The following CSMD3 variants were observed in gnomAD, a reference collection of about 807,000 sequenced individuals.
CSMD3 encodes CUB and sushi domain-containing protein 3.
In CSMD3, 177 loss-of-function variants were observed where a neutral mutation model predicts 435.2. That is an observed-to-expected ratio of 0.41 (90% CI 0.36 to 0.46). The LOEUF is 0.46. Ranked by LOEUF, CSMD3 falls within the 20% of genes least tolerant of loss-of-function variation. The probability of loss-of-function intolerance (pLI) is 0.34; values close to 1 mark genes in which losing one functional copy is unlikely to be tolerated. For synonymous variants in CSMD3, 1,656 were observed against 1,520.5 expected (o/e 1.09, Z -2.07); for missense variants, 4,265 against 4,504.6 (o/e 0.95, Z 1.52).
intron 14 of CSMD3, among the ~76,000 whole-genome samples, chr8:112,688,488 A>C (rs2076061291): frequency 6.6e-6 from 1 of 152,144 alleles, no homozygotes; most frequent in Admixed American, 6.6e-5. Context: ...CTATGTTAGA[A>C]TTTTGACTAA....
At chr8:112,667,253 C>G (rs1586927040) in intron 16 of CSMD3, among the ~76,000 whole-genome samples, 1 of 152,082 alleles carries the variant, frequency 6.6e-6, no homozygotes, top group South Asian at 2.1e-4. Context: ...CAAAACAAAG[C>G]CTTAGTACTG....
chr8:112,665,958 G>A (rs148279779), intron 17 of CSMD3, among the ~76,000 whole-genome samples: 1 of 152,156 alleles, frequency 6.6e-6, no homozygotes, highest in African/African-American at 2.4e-5. Flanking sequence ...ACCTAGCAGA[G>A]CAGAATTCAC....
intron 5 of CSMD3, among the ~76,000 whole-genome samples, chr8:113,082,953 A>G (rs1452200849): frequency 1.3e-5 from 2 of 152,160 alleles, no homozygotes; most frequent in African/African-American, 4.8e-5. Flanking sequence ...ATGAGACACT[A>G]TTAAGCAAAC....
At chr8:113,425,787 G>A (rs1173876511) in intron 1 of CSMD3, among the ~76,000 whole-genome samples, 1 of 151,494 alleles carries the variant, frequency 6.6e-6, no homozygotes, top group Non-Finnish European at 1.5e-5. Flanking sequence ...AGGTAATTAT[G>A]AGCCTGTCAG....
At chr8:113,436,612 C>A (rs2130147637) in intron 1 of CSMD3, 65 bp downstream of exon 1, 1 of 1,426,182 alleles carries the variant, frequency 7.0e-7, no homozygotes. Flanking sequence ...AGCTGCCAGC[C>A]TCTCTCCATC....
chr8:113,166,848 A>G (rs2092159751), intron 4 of CSMD3, among the ~76,000 whole-genome samples: 1 of 152,236 alleles, frequency 6.6e-6, no homozygotes, highest in Admixed American at 6.5e-5. Flanking sequence ...AATGACTCTT[A>G]GTATGTTTGT....
chr8:113,270,291 ATTAAAAAGT>A (rs1242759807), intron 3 of CSMD3, among the ~76,000 whole-genome samples: 6 of 72,754 alleles, frequency 8.2e-5, no homozygotes, highest in African/African-American at 5.0e-4. Context: ...AATGGCGATC[ATTAAAAAGT>A]CGATCATTAA....
chr8:112,441,243 G>T (rs2130502809), intron 32 of CSMD3, among the ~76,000 whole-genome samples: 1 of 152,170 alleles, frequency 6.6e-6, no homozygotes, highest in Admixed American at 6.5e-5. Flanking sequence ...AGTCACCTTT[G>T]CTCCCGTTCC....
intron 1 of CSMD3, among the ~76,000 whole-genome samples, chr8:113,372,492 T>C (rs1037326899): frequency 7.9e-5 from 12 of 152,174 alleles, no homozygotes; most frequent in African/African-American, 2.7e-4. Context: ...GAGTTTTTTA[T>C]GTCCTGATTT....
At chr8:112,966,979 T>G (rs1222897639) in intron 7 of CSMD3, among the ~76,000 whole-genome samples, 1 of 151,950 alleles carries the variant, frequency 6.6e-6, no homozygotes, top group Non-Finnish European at 1.5e-5. Flanking sequence ...TGATAAATGT[T>G]GTTCTCTCTC....
At chr8:112,889,557 T>C (rs1239643359) in intron 10 of CSMD3, among the ~76,000 whole-genome samples, 1 of 151,664 alleles carries the variant, frequency 6.6e-6, no homozygotes, top group East Asian at 2.0e-4. Context: ...GTGTGTCTTT[T>C]GTCTTCTTGC....
chr8:113,034,903 G>A (rs1249560840), intron 5 of CSMD3, among the ~76,000 whole-genome samples: 1 of 151,984 alleles, frequency 6.6e-6, no homozygotes, highest in Non-Finnish European at 1.5e-5. Flanking sequence ...CCATATTCAT[G>A]TATATTAACA....
chr8:112,819,948 A>G (rs1350163135), intron 12 of CSMD3, among the ~76,000 whole-genome samples: 1 of 152,170 alleles, frequency 6.6e-6, no homozygotes, highest in Non-Finnish European at 1.5e-5. Context: ...GGAATGTCCC[A>G]TCAACATATT....
intron 4 of CSMD3, among the ~76,000 whole-genome samples, chr8:113,113,782 C>T (rs2090738752): frequency 6.6e-6 from 1 of 152,188 alleles, no homozygotes; most frequent in South Asian, 2.1e-4. Context: ...AAATGCGAAT[C>T]AATAACCCCT....
chr8:112,475,699 A>C (rs547668790), intron 31 of CSMD3, among the ~76,000 whole-genome samples: 1 of 152,268 alleles, frequency 6.6e-6, no homozygotes, highest in East Asian at 1.9e-4. Flanking sequence ...TAAATGGAAT[A>C]ATAAGTCAGG....
At chr8:113,111,082 G>C (rs141988306) in intron 4 of CSMD3, among the ~76,000 whole-genome samples, 253 of 152,210 alleles carry the variant, frequency 1.7e-3, no homozygotes, top group African/African-American at 6.0e-3. Context: ...TATGGAGAGA[G>C]GATTTCAATG....
chr8:112,301,230 G>A (rs963629294), intron 53 of CSMD3, among the ~76,000 whole-genome samples: 2 of 151,856 alleles, frequency 1.3e-5, no homozygotes, highest in East Asian at 1.9e-4. Context: ...TAAGAAGAAC[G>A]AACTAGTTCA....
intron 54 of CSMD3, among the ~76,000 whole-genome samples, chr8:112,294,899 CT>C (rs1265808653): frequency 1.3e-5 from 2 of 151,934 alleles, no homozygotes; most frequent in Non-Finnish European, 2.9e-5. Context: ...TTTTTATCTG[CT>C]TTTTAAAAAA....
At chr8:112,500,032 C>A (rs1821785674) in intron 30 of CSMD3, among the ~76,000 whole-genome samples, 2 of 152,066 alleles carry the variant, frequency 1.3e-5, no homozygotes, top group Admixed American at 6.6e-5. Flanking sequence ...TTGCTTGAAT[C>A]CGGGATGCAA....
Sources: allele counts gnomAD v4.1 joint callset (sites outside exome capture counted in the v4.1 genomes callset), GRCh38; gene constraint gnomAD v4.1.1; transcripts MANE v1.5; gene names NCBI Gene and HGNC (gene_info 2026-07-23, HGNC 2026-07-21).